Variants in NTRK2 observed in about 807,000 individuals in gnomAD.
The protein encoded by NTRK2 is neurotrophic receptor tyrosine kinase 2.
A neutral mutation model predicts 94.5 loss-of-function variants in NTRK2; 13 were observed. The ratio of observed to expected loss-of-function variants is 0.14; its 90% CI spans 0.09 to 0.22. The LOEUF (loss-of-function observed/expected upper bound fraction) is 0.22. Among genes scored for constraint, NTRK2 ranks in the 10% least tolerant of loss-of-function variants. The pLI is 1.00. For missense variants in NTRK2, 639 were observed against 1,071.2 expected, an observed-to-expected ratio of 0.60 and a Z score of 5.63; for synonymous variants, 372 against 407.4, an observed-to-expected ratio of 0.91 and a Z score of 1.05.
chr9:84,857,952 AC>A (rs1587704103), intron 12 of NTRK2, among the ~76,000 whole-genome samples: 2 of 152,148 alleles, frequency 1.3e-5, no homozygotes, highest in East Asian at 3.9e-4. Context: ...TGTGGCTAAA[AC>A]CCATGTTCTT....
intron 17 of NTRK2, among the ~76,000 whole-genome samples, chr9:84,986,277 G>A (rs182093349): frequency 8.7e-4 from 132 of 152,224 alleles, no homozygotes; most frequent in Admixed American, 2.8e-3. Context: ...TTGGCACAAA[G>A]GACCAGTTTT....
chr9:84,675,491 GT>G (rs1338456709), intron 2 of NTRK2, among the ~76,000 whole-genome samples: 2 of 151,974 alleles, frequency 1.3e-5, no homozygotes, highest in Non-Finnish European at 2.9e-5. Context: ...TCTCTAGAGA[GT>G]TTCTTGTAGG....
intron 2 of NTRK2, among the ~76,000 whole-genome samples, chr9:84,671,883 A>G (rs1223126714): frequency 2.6e-5 from 4 of 152,208 alleles, no homozygotes; most frequent in African/African-American, 9.7e-5. Flanking sequence ...TTTCTCTAGC[A>G]TTCCTGTGTC....
intron 13 of NTRK2, 101 bp from the exon 14 acceptor site, chr9:84,867,142 C>T (rs1656491828): frequency 8.9e-7 from 1 of 1,128,140 alleles, no homozygotes; most frequent in Non-Finnish European, 1.3e-6. Flanking sequence ...TACTAAAACC[C>T]ACTGAATTGT....
At chr9:84,802,942 C>A (rs551712300) in intron 12 of NTRK2, among the ~76,000 whole-genome samples, 1 of 152,248 alleles carries the variant, frequency 6.6e-6, no homozygotes, top group Admixed American at 6.5e-5. Flanking sequence ...CCCTTATAAA[C>A]CTTGCTGGGA....
chr9:84,839,376 A>T (rs2074047469), intron 12 of NTRK2, among the ~76,000 whole-genome samples: 1 of 152,196 alleles, frequency 6.6e-6, no homozygotes, highest in Admixed American at 6.5e-5. Flanking sequence ...CCCTTGCACA[A>T]AGCTTAGTAT....
At chr9:84,964,734 A>G (rs1444129080) in intron 17 of NTRK2, among the ~76,000 whole-genome samples, 1 of 152,080 alleles carries the variant, frequency 6.6e-6, no homozygotes, top group Non-Finnish European at 1.5e-5. Context: ...CAGATCACTC[A>G]CTGTCCTTCA....
At chr9:84,929,443 T>G (rs767518698) in intron 14 of NTRK2, among the ~76,000 whole-genome samples, 3 of 152,218 alleles carry the variant, frequency 2.0e-5, no homozygotes, top group Admixed American at 6.5e-5. Flanking sequence ...TTCCTCCTTT[T>G]CCTTTGGCAG....
At chr9:84,690,935 ACAAT>A (rs1471791927) in intron 2 of NTRK2, among the ~76,000 whole-genome samples, 3 of 152,182 alleles carry the variant, frequency 2.0e-5, no homozygotes, top group African/African-American at 7.2e-5. Context: ...TAAAAATGTC[ACAAT>A]CAGTTTTTCA....
intron 14 of NTRK2, among the ~76,000 whole-genome samples, chr9:84,918,601 TTA>T (rs1190208577): frequency 1.3e-5 from 2 of 152,200 alleles, no homozygotes; most frequent in East Asian, 1.9e-4. Flanking sequence ...TATGACAAAT[TTA>T]TATGTTTTTT....
intron 6 of NTRK2, among the ~76,000 whole-genome samples, chr9:84,712,755 T>A (rs1411886626): frequency 6.6e-6 from 1 of 152,224 alleles, no homozygotes; most frequent in Admixed American, 6.5e-5. Context: ...TTTGTCTTTT[T>A]CTTGCCTAAC....
At chr9:84,807,129 T>C (rs547568386) in intron 12 of NTRK2, among the ~76,000 whole-genome samples, 68 of 152,372 alleles carry the variant, frequency 4.5e-4, no homozygotes, top group African/African-American at 1.6e-3. Context: ...AGTTTTCCTT[T>C]TTGCTCCAGA....
chr9:84,671,097 T>G, intron 2 of NTRK2, 137 bp downstream of exon 2: 1 of 819,202 alleles, frequency 1.2e-6, no homozygotes, highest in Non-Finnish European at 2.0e-6. Flanking sequence ...CAGGGTCATC[T>G]GTCAGTTACC....
intron 12 of NTRK2, among the ~76,000 whole-genome samples, chr9:84,849,677 T>A (rs1363966913): frequency 6.6e-6 from 1 of 152,132 alleles, no homozygotes; most frequent in Non-Finnish European, 1.5e-5. Flanking sequence ...TACAAGTAAG[T>A]AGATAGCTAA....
chr9:85,015,850 A>C (rs533537580), intron 17 of NTRK2, among the ~76,000 whole-genome samples: 6 of 152,308 alleles, frequency 3.9e-5, no homozygotes, highest in African/African-American at 1.4e-4. Context: ...AAGCCACCTA[A>C]GCTTGCTGGC....
chr9:84,888,774 C>T (rs1266657830), intron 14 of NTRK2, among the ~76,000 whole-genome samples: 1 of 151,620 alleles, frequency 6.6e-6, no homozygotes, highest in Non-Finnish European at 1.5e-5. Flanking sequence ...GAGGTTGGAC[C>T]CAGTGCTTAG....
At chr9:84,823,516 G>C (rs1326821763) in intron 12 of NTRK2, among the ~76,000 whole-genome samples, 1 of 152,230 alleles carries the variant, frequency 6.6e-6, no homozygotes. Context: ...ACTTTATTGA[G>C]TACTTTCTAT....
chr9:84,709,907 G>T (rs2061327088), intron 5 of NTRK2, among the ~76,000 whole-genome samples: 1 of 151,758 alleles, frequency 6.6e-6, no homozygotes, highest in African/African-American at 2.4e-5. Flanking sequence ...ACCCACAGTG[G>T]TCTAACGCAG....
At chr9:84,898,837 G>C (rs1249885042) in intron 14 of NTRK2, among the ~76,000 whole-genome samples, 1 of 152,080 alleles carries the variant, frequency 6.6e-6, no homozygotes, top group African/African-American at 2.4e-5. Context: ...CAAGTAGCTG[G>C]AATTACAGGC....
Sources: allele counts gnomAD v4.1 joint callset (sites outside exome capture counted in the v4.1 genomes callset), GRCh38; gene constraint gnomAD v4.1.1; transcripts MANE v1.5; gene names NCBI Gene and HGNC (gene_info 2026-07-23, HGNC 2026-07-21).